Variants in UNC13C observed in about 807,000 individuals in gnomAD.
UNC13C encodes the protein protein unc-13 homolog C.
UNC13C carries 174 observed loss-of-function variants against 245.4 expected under a neutral mutation model. That is an observed-to-expected ratio of 0.71 (90% CI 0.63 to 0.80). The LOEUF (loss-of-function observed/expected upper bound fraction) is 0.80. UNC13C is among the 30% of genes least tolerant of loss of function. The pLI is 0.00. For missense variants in UNC13C, 2,829 were observed against 2,602.9 expected (o/e 1.09, Z -1.89); for synonymous variants, 992 against 895.1 (o/e 1.11, Z -1.93).
At chr15:53,915,886 T>C in the UNC13C span, among the ~76,000 whole-genome samples, 1 of 152,170 alleles carries the variant, frequency 6.6e-6, no homozygotes, top group Admixed American at 6.5e-5. Context: ...AAGGTACATA[T>C]AGATGCATGG....
At chr15:53,857,082 C>A in the UNC13C span, among the ~76,000 whole-genome samples, 109 of 152,202 alleles carry the variant, frequency 7.2e-4, no homozygotes, top group Admixed American at 7.1e-3. Flanking sequence ...AGGCGTGAAC[C>A]ACCGTGCCCG....
intron 28 of UNC13C, among the ~76,000 whole-genome samples, chr15:54,552,719 G>C (rs1486741178): frequency 1.6e-5 from 1 of 60,896 alleles, no homozygotes; most frequent in Non-Finnish European, 2.8e-5. Context: ...ATATTATATT[G>C]TACAATATAT....
At chr15:54,414,449 C>T (rs914087280) in intron 18 of UNC13C, among the ~76,000 whole-genome samples, 2 of 152,092 alleles carry the variant, frequency 1.3e-5, no homozygotes, top group Non-Finnish European at 2.9e-5. Context: ...GAGCTCCAGA[C>T]TAGCCTGAAC....
At chr15:54,499,047 T>C (rs1475152096) in intron 20 of UNC13C, among the ~76,000 whole-genome samples, 2 of 152,112 alleles carry the variant, frequency 1.3e-5, no homozygotes, top group African/African-American at 2.4e-5. Flanking sequence ...AAGAAATACC[T>C]GAGTCTAGGT....
At chr15:54,085,684 T>G (rs1299910884) in intron 2 of UNC13C, among the ~76,000 whole-genome samples, 1 of 152,178 alleles carries the variant, frequency 6.6e-6, no homozygotes, top group Non-Finnish European at 1.5e-5. Flanking sequence ...TGCCCTCAAG[T>G]GATCCTCTTG....
At chr15:54,000,417 G>A (rs553291775) in intron 1 of UNC13C, among the ~76,000 whole-genome samples, 1 of 152,174 alleles carries the variant, frequency 6.6e-6, no homozygotes, top group Admixed American at 6.5e-5. Flanking sequence ...AACATGTTTT[G>A]AAAACTAAGT....
At chr15:54,600,041 C>T (rs765296312) in intron 30 of UNC13C, among the ~76,000 whole-genome samples, 6 of 152,066 alleles carry the variant, frequency 3.9e-5, no homozygotes, top group Non-Finnish European at 7.4e-5. Context: ...ATATAGCAGG[C>T]ATATGACCAT....
chr15:54,584,877 C>G (rs1179956608), intron 30 of UNC13C, among the ~76,000 whole-genome samples: 1 of 152,158 alleles, frequency 6.6e-6, no homozygotes, highest in Non-Finnish European at 1.5e-5. Flanking sequence ...GGATTCAAAT[C>G]CAAATTCTTC....
At chr15:54,256,526 A>G (rs1005517550) in intron 8 of UNC13C, among the ~76,000 whole-genome samples, 9 of 152,172 alleles carry the variant, frequency 5.9e-5, no homozygotes, top group Non-Finnish European at 8.8e-5. Context: ...GTTGCACACC[A>G]TTTTTAGCAG....
intron 17 of UNC13C, among the ~76,000 whole-genome samples, chr15:54,371,024 C>T (rs2039475359): frequency 6.6e-6 from 1 of 151,986 alleles, no homozygotes; most frequent in African/African-American, 2.4e-5. Context: ...TGTGAGATTA[C>T]TTTATATCCA....
chr15:54,015,129 G>T lies in UNC13C; in HGVS notation c.2226G>T (p.Gln742His). Residue 742 changes from glutamine to histidine, a missense_variant, in exon 2 of 33, where the codon CAG (glutamine) becomes CAT (histidine). Physicochemically the swap from Gln to His is conservative, Grantham distance 24. Coordinates refer to ENST00000260323, the MANE Select transcript of UNC13C (RefSeq NM_001080534.3). The stretch of plus-strand genomic sequence containing the variant: ...GGGTTGGCCAATATGATTCTTATCA[G>T]GGAGCTAATTCTAATGAGCTATACC... ...GQWVGQYDSY[Q>H]GANSNELYQN... is the part of the protein sequence containing the mutation. The T allele has an allele frequency of 6.2e-7, 1 of 1,612,438 alleles. No homozygotes were observed. The highest frequency in any genetic ancestry group is 2.2e-5 in the East Asian group (1 of 44,848).
At chr15:54,470,787 T>C (rs1892422204) in intron 19 of UNC13C, among the ~76,000 whole-genome samples, 1 of 151,372 alleles carries the variant, frequency 6.6e-6, no homozygotes, top group South Asian at 2.1e-4. Context: ...ATTCTGCTAA[T>C]GTTGCATTTA....
chr15:54,320,613 A>G, intron 13 of UNC13C: 1 of 204,772 alleles, frequency 4.9e-6, no homozygotes, highest in Middle Eastern at 2.0e-3. Context: ...TGACAGCAGC[A>G]AGCCCTGTCA....
chr15:54,478,443 C>T (rs543231071), intron 19 of UNC13C, among the ~76,000 whole-genome samples: 20 of 141,564 alleles, frequency 1.4e-4, no homozygotes, highest in African/African-American at 5.3e-4. Flanking sequence ...CTCTTGTGGG[C>T]ATTTAGTGCT....
At chr15:54,314,808 T>C (rs1466937565) in intron 13 of UNC13C, among the ~76,000 whole-genome samples, 1 of 151,796 alleles carries the variant, frequency 6.6e-6, no homozygotes, top group East Asian at 1.9e-4. Flanking sequence ...AATCTTCAGT[T>C]ATAACATTGT....
chr15:53,871,332 T>G, the UNC13C span, among the ~76,000 whole-genome samples: 1 of 152,202 alleles, frequency 6.6e-6, no homozygotes, highest in Non-Finnish European at 1.5e-5. Context: ...CTATGTAATA[T>G]TTTATAACTT....
intron 10 of UNC13C, among the ~76,000 whole-genome samples, chr15:54,291,375 T>C (rs1226984898): frequency 6.6e-6 from 1 of 152,008 alleles, no homozygotes; most frequent in Non-Finnish European, 1.5e-5. Flanking sequence ...AGCTCAAACT[T>C]AGATATTTTT....
intron 4 of UNC13C, among the ~76,000 whole-genome samples, chr15:54,155,622 T>C (rs10468006): frequency 0.019 from 2,855 of 152,272 alleles, 71 homozygotes; most frequent in East Asian, 0.093. Flanking sequence ...AAAATAGATA[T>C]TGCCATGAAA....
At position 54,006,027 on chromosome 15, in the gene UNC13C, T is replaced by A. The variant is rs138273764; in HGVS notation, c.-256-6621T>A. On this transcript the variant is annotated intron_variant, in intron 1 of 32. Transcript: ENST00000260323. The stretch of plus-strand genomic sequence containing the variant: ...ATAAGGAGAATGTAAATTATTATAG[T>A]AAAATAATTTTAGAGTTAGGCGATT... Among the ~76,000 whole-genome samples the A allele has an allele frequency of 1.2e-3, 189 of 152,300 alleles. 1 individual carries two copies. Among genetic ancestry groups the A allele is most frequent in the African/African-American group, 4.4e-3 (184 of 41,566 alleles).
Sources: allele counts gnomAD v4.1 joint callset (sites outside exome capture counted in the v4.1 genomes callset), GRCh38; gene constraint gnomAD v4.1.1; transcripts MANE v1.5; gene names NCBI Gene and HGNC (gene_info 2026-07-23, HGNC 2026-07-21).